The following CTNNA2 variants were observed in gnomAD, a reference collection of about 807,000 sequenced individuals.
The protein encoded by CTNNA2 is catenin alpha-2.
CTNNA2 carries 42 observed loss-of-function variants against 101.0 expected under a neutral mutation model. The ratio of observed to expected loss-of-function variants is 0.42; its 90% CI spans 0.32 to 0.54. The LOEUF (loss-of-function observed/expected upper bound fraction) is 0.54, where lower values mean the gene tolerates loss of function less well. Ranked by LOEUF, CTNNA2 falls within the 20% of genes least tolerant of loss-of-function variation. CTNNA2 has a pLI of 0.14. For synonymous variants in CTNNA2, 450 were observed against 456.4 expected (o/e 0.99, Z 0.18); for missense variants, 871 against 1,223.1 (o/e 0.71, Z 4.29).
chr2:80,559,384 A>G (rs1693344600), intron 12 of CTNNA2, among the ~76,000 whole-genome samples: 1 of 152,190 alleles, frequency 6.6e-6, no homozygotes, highest in Non-Finnish European at 1.5e-5. Context: ...TGGGTAGGTC[A>G]CTGTAGGGAG....
chr2:80,428,284 A>G (rs1681174639), intron 9 of CTNNA2, among the ~76,000 whole-genome samples: 1 of 152,228 alleles, frequency 6.6e-6, no homozygotes, highest in Non-Finnish European at 1.5e-5. Context: ...GTTTTGAACA[A>G]AGGCATGACA....
chr2:79,770,061 A>G (rs1009496539), intron 3 of CTNNA2, among the ~76,000 whole-genome samples: 2 of 152,180 alleles, frequency 1.3e-5, no homozygotes, highest in African/African-American at 4.8e-5. Flanking sequence ...ACTTCCCTCC[A>G]GGGGACATTT....
intron 1 of CTNNA2, among the ~76,000 whole-genome samples, chr2:79,604,150 ATGTCTGTG>A (rs950882525): frequency 1.1e-4 from 17 of 152,198 alleles, no homozygotes; most frequent in Admixed American, 3.3e-4. Context: ...CTCAGTGTGT[ATGTCTGTG>A]TGTCTGTGTG....
At chr2:79,651,043 A>G (rs1273815876) in intron 1 of CTNNA2, among the ~76,000 whole-genome samples, 1 of 152,022 alleles carries the variant, frequency 6.6e-6, no homozygotes, top group Non-Finnish European at 1.5e-5. Context: ...ATGTGGAGAA[A>G]TAGGAACACT....
chr2:79,284,993 G>T (rs1251949632), intron 2 of CTNNA2, among the ~76,000 whole-genome samples: 3 of 100,666 alleles, frequency 3.0e-5, no homozygotes, highest in South Asian at 4.2e-4. Flanking sequence ...TCTTGGAAGA[G>T]TGTATGTGTC....
At chr2:79,219,625 A>G (rs571616822) in intron 2 of CTNNA2, among the ~76,000 whole-genome samples, 4 of 152,306 alleles carry the variant, frequency 2.6e-5, no homozygotes, top group Non-Finnish European at 4.4e-5. Context: ...ACCAAAGTGC[A>G]TTTACACCTG....
intron 7 of CTNNA2, among the ~76,000 whole-genome samples, chr2:80,244,142 C>T (rs1244173082): frequency 6.6e-6 from 1 of 152,160 alleles, no homozygotes. Flanking sequence ...AGAACTTTTG[C>T]AGTATAGTGT....
At chr2:79,680,964 A>G (rs1412414260) in intron 2 of CTNNA2, among the ~76,000 whole-genome samples, 3 of 152,198 alleles carry the variant, frequency 2.0e-5, no homozygotes, top group Non-Finnish European at 4.4e-5. Context: ...AAGGAACCAT[A>G]GAAGTTTTTG....
At chr2:79,451,533 A>G (rs963200592) in intron 4 of CTNNA2, among the ~76,000 whole-genome samples, 1 of 151,978 alleles carries the variant, frequency 6.6e-6, no homozygotes, top group Non-Finnish European at 1.5e-5. Context: ...TTGTAATATA[A>G]TCTCACTGTA....
chr2:79,859,630 T>A lies in CTNNA2; in HGVS notation c.465+1451T>A, dbSNP rs533183977. 3.3e-5 allele frequency among the ~76,000 whole-genome samples: 5 copies of A among 150,980 alleles called. No individual in the cohort carries two copies. In the East Asian group the frequency reaches 6.1e-4, roughly 18 times the overall value. The stretch of plus-strand genomic sequence containing the variant: ...TTGGAAGTTTTTTTTATTTTTATTT[T>A]TATTTTTTCCTCTCCTCCTTAGGAA... On this transcript the variant is annotated intron_variant, in intron 4 of 18. Transcript: ENST00000402739.
intron 7 of CTNNA2, among the ~76,000 whole-genome samples, chr2:80,197,241 C>T (rs1185191828): frequency 1.2e-4 from 18 of 152,164 alleles, no homozygotes; most frequent in Non-Finnish European, 2.2e-4. Flanking sequence ...AGACTCACAT[C>T]GTTCACCACT....
intron 2 of CTNNA2, among the ~76,000 whole-genome samples, chr2:79,713,761 G>A (rs1399926280): frequency 1.3e-5 from 2 of 152,164 alleles, no homozygotes; most frequent in Non-Finnish European, 2.9e-5. Context: ...AGGCTTGTAA[G>A]GCTTGACAGA....
At chr2:79,857,140 T>A (rs1681207268) in intron 3 of CTNNA2, among the ~76,000 whole-genome samples, 1 of 152,172 alleles carries the variant, frequency 6.6e-6, no homozygotes, top group Non-Finnish European at 1.5e-5. Flanking sequence ...GAAGTGTTCA[T>A]GCTGCCTGAG....
intron 7 of CTNNA2, among the ~76,000 whole-genome samples, chr2:80,258,625 T>C (rs73938257): frequency 0.012 from 1,867 of 152,146 alleles, 33 homozygotes; most frequent in African/African-American, 0.043. Flanking sequence ...AACAGGGAAA[T>C]TGAATATTTT....
At chr2:79,202,124 T>C (rs1363868139) in intron 2 of CTNNA2, among the ~76,000 whole-genome samples, 1 of 152,130 alleles carries the variant, frequency 6.6e-6, no homozygotes, top group South Asian at 2.1e-4. Context: ...TTTACATAAA[T>C]GATTAGCAGA....
chr2:79,529,263 G>A (rs1199186467), intron 1 of CTNNA2, among the ~76,000 whole-genome samples: 1 of 152,158 alleles, frequency 6.6e-6, no homozygotes, highest in African/African-American at 2.4e-5. Context: ...AGAAGACTTA[G>A]GAACCATCTG....
chr2:80,526,530 A>G (rs1460847321), intron 9 of CTNNA2, among the ~76,000 whole-genome samples: 3 of 150,780 alleles, frequency 2.0e-5, no homozygotes, highest in African/African-American at 7.3e-5. Flanking sequence ...ATGGGGTTTC[A>G]CCATGTTGGC....
chr2:79,722,271 C>G (rs992576582), intron 2 of CTNNA2, among the ~76,000 whole-genome samples: 13 of 151,968 alleles, frequency 8.6e-5, no homozygotes, highest in African/African-American at 2.9e-4. Flanking sequence ...TTTTATTAAG[C>G]CAAATATGAA....
At chr2:79,417,809 A>G (rs1465669661) in intron 4 of CTNNA2, among the ~76,000 whole-genome samples, 1 of 152,010 alleles carries the variant, frequency 6.6e-6, no homozygotes, top group African/African-American at 2.4e-5. Context: ...TATTTTACCC[A>G]CCATATATAT....
Sources: allele counts gnomAD v4.1 joint callset (sites outside exome capture counted in the v4.1 genomes callset), GRCh38; gene constraint gnomAD v4.1.1; transcripts MANE v1.5; gene names NCBI Gene and HGNC (gene_info 2026-07-23, HGNC 2026-07-21).